The following RAP1GAP2 variants were observed in gnomAD, a reference collection of about 807,000 sequenced individuals.
RAP1GAP2 encodes the protein rap1 GTPase-activating protein 2.
RAP1GAP2 carries 27 observed loss-of-function variants against 95.0 expected under a neutral mutation model. The observed-to-expected ratio is 0.28, with a 90% CI of 0.21 to 0.39. The LOEUF (loss-of-function observed/expected upper bound fraction) is 0.39, where lower values mean the gene tolerates loss of function less well. Among genes scored for constraint, RAP1GAP2 ranks in the 10% least tolerant of loss-of-function variants. The probability of loss-of-function intolerance (pLI) is 1.00; values close to 1 mark genes in which losing one functional copy is unlikely to be tolerated. For missense variants in RAP1GAP2, 771 were observed against 970.0 expected (o/e 0.79, Z 2.72); for synonymous variants, 373 against 380.9 (o/e 0.98, Z 0.24).
At chr17:2,842,487 G>A (rs575076119) in intron 2 of RAP1GAP2, among the ~76,000 whole-genome samples, 60 of 142,870 alleles carry the variant, frequency 4.2e-4, no homozygotes, top group African/African-American at 1.6e-3. Flanking sequence ...CCGAGATCGC[G>A]CTACTGCACT....
At chr17:2,811,108 G>A (rs1301923036) in intron 2 of RAP1GAP2, among the ~76,000 whole-genome samples, 2 of 152,148 alleles carry the variant, frequency 1.3e-5, no homozygotes, top group Non-Finnish European at 2.9e-5. Flanking sequence ...GACACTGGAA[G>A]GCTGCTTTTT....
At chr17:2,935,748 C>T (rs1026042553) in intron 3 of RAP1GAP2, among the ~76,000 whole-genome samples, 1 of 152,178 alleles carries the variant, frequency 6.6e-6, no homozygotes, top group African/African-American at 2.4e-5. Context: ...ACTCCAGTGT[C>T]ACAAAGGAGG....
intron 2 of RAP1GAP2, among the ~76,000 whole-genome samples, chr17:2,823,570 C>A (rs1024724958): frequency 1.3e-5 from 2 of 152,180 alleles, no homozygotes; most frequent in Non-Finnish European, 2.9e-5. Flanking sequence ...CATGGCGTAA[C>A]GTGGGCTCTC....
chr17:2,893,948 C>T (rs900654145), intron 2 of RAP1GAP2, among the ~76,000 whole-genome samples: 13 of 152,234 alleles, frequency 8.5e-5, no homozygotes, highest in Non-Finnish European at 1.6e-4. Flanking sequence ...CTTCTCACCT[C>T]TCCTTCCCTG....
At chr17:2,961,522 A>AAAAC (rs143965896) in intron 4 of RAP1GAP2, among the ~76,000 whole-genome samples, 4 of 152,082 alleles carry the variant, frequency 2.6e-5, no homozygotes, top group South Asian at 2.1e-4. Context: ...CTCAAAAACA[A>AAAAC]AAACAAACAA....
At chr17:2,861,007 C>T (rs2072363033) in intron 2 of RAP1GAP2, among the ~76,000 whole-genome samples, 1 of 152,156 alleles carries the variant, frequency 6.6e-6, no homozygotes, top group African/African-American at 2.4e-5. Context: ...TCCTTTCCTC[C>T]TGGTGATCAC....
intron 2 of RAP1GAP2, among the ~76,000 whole-genome samples, chr17:2,876,086 C>T (rs1323352913): frequency 2.0e-5 from 3 of 151,720 alleles, no homozygotes; most frequent in Non-Finnish European, 4.4e-5. Flanking sequence ...TACAGGCACC[C>T]GCCCCCACGC....
chr17:2,990,395 C>G, intron 11 of RAP1GAP2, among the ~76,000 whole-genome samples: 1 of 152,182 alleles, frequency 6.6e-6, no homozygotes, highest in East Asian at 1.9e-4. Flanking sequence ...TATGGTGACT[C>G]TGCGTTTAGC....
In RAP1GAP2 at chr17:2,958,282, C is replaced by T. The variant is rs531755194; in HGVS notation, c.201+488C>T. 2.0e-5 allele frequency among the ~76,000 whole-genome samples: 3 copies of T among 152,280 alleles called. No individual in the cohort carries two copies. In the South Asian group the frequency reaches 6.2e-4, roughly 32 times the overall value. ...AAATAAGAATGAATGCACCCACTTA[C>T]ATGGTGGTTGGGGTGAAATGAGATA... On this transcript the variant is annotated intron_variant, in intron 4 of 24. Transcript: ENST00000254695.
At chr17:2,771,496 T>TG (rs1343227715) in intron 2 of RAP1GAP2, among the ~76,000 whole-genome samples, 6 of 149,062 alleles carry the variant, frequency 4.0e-5, no homozygotes, top group Non-Finnish European at 8.9e-5. Context: ...GTTTTTTTTT[T>TG]TTGTTTTTTT....
intron 2 of RAP1GAP2, among the ~76,000 whole-genome samples, chr17:2,853,696 T>G (rs1237393293): frequency 1.4e-5 from 2 of 139,754 alleles, no homozygotes; most frequent in African/African-American, 5.3e-5. Flanking sequence ...GGGCGGCGCG[T>G]CTGAGCGGGA....
intron 3 of RAP1GAP2, among the ~76,000 whole-genome samples, chr17:2,911,753 G>T (rs2042390082): frequency 6.6e-6 from 1 of 152,098 alleles, no homozygotes; most frequent in Admixed American, 6.5e-5. Context: ...GGGGGTCAGG[G>T]TGACCCCCTG....
At position 2,984,564 on chromosome 17, in the gene RAP1GAP2, C is replaced by T. The variant is rs549164401; in HGVS notation, c.730-419C>T. Among the ~76,000 whole-genome samples the T allele has an allele frequency of 5.1e-4, 78 of 152,268 alleles. No individual in the cohort carries two copies. The South Asian group carries it at 9.1e-3, about 18-fold the overall frequency. On this transcript the variant is annotated intron_variant, in intron 10 of 24. Coordinates refer to ENST00000254695, the MANE Select transcript of RAP1GAP2 (RefSeq NM_015085.5). The stretch of plus-strand genomic sequence containing the variant: ...GAGGGGACTGAAGTTTGGTCAGGAG[C>T]GGTGACTTGCTCGGACTCATGCTGC...
At chr17:2,856,357 A>G (rs531261601) in intron 2 of RAP1GAP2, among the ~76,000 whole-genome samples, 5 of 152,292 alleles carry the variant, frequency 3.3e-5, no homozygotes, top group African/African-American at 1.2e-4. Context: ...GGTAGATTTC[A>G]TCTCTGGGAA....
At chr17:2,929,559 A>G (rs2043075949) in intron 3 of RAP1GAP2, among the ~76,000 whole-genome samples, 1 of 151,850 alleles carries the variant, frequency 6.6e-6, no homozygotes, top group African/African-American at 2.4e-5. Context: ...CCTCGTAGGG[A>G]TCGTTTGGCA....
intron 2 of RAP1GAP2, among the ~76,000 whole-genome samples, chr17:2,860,594 CTTTTTTTTTTT>C (rs561492877): frequency 1.2e-4 from 12 of 96,058 alleles, no homozygotes; most frequent in African/African-American, 2.2e-4. Context: ...ACTTATTTAT[CTTTTTTTTTTT>C]TTTTTTTTTT....
At chr17:2,880,740 T>C (rs927283158) in intron 2 of RAP1GAP2, among the ~76,000 whole-genome samples, 1 of 152,188 alleles carries the variant, frequency 6.6e-6, no homozygotes, top group Non-Finnish European at 1.5e-5. Context: ...TTATCTGACA[T>C]GCTTGGGACC....
At chr17:2,779,097 AC>A (rs1259755966) in intron 1 of RAP1GAP2, among the ~76,000 whole-genome samples, 4 of 152,084 alleles carry the variant, frequency 2.6e-5, no homozygotes, top group African/African-American at 9.7e-5. Context: ...GTCCCATTGC[AC>A]CTGTAAGATG....
chr17:2,935,531 C>T (rs987762704), intron 3 of RAP1GAP2, among the ~76,000 whole-genome samples: 1 of 152,026 alleles, frequency 6.6e-6, no homozygotes, highest in African/African-American at 2.4e-5. Flanking sequence ...CAAAAGAGAA[C>T]GTCCCACATC....
Sources: allele counts gnomAD v4.1 joint callset (sites outside exome capture counted in the v4.1 genomes callset), GRCh38; gene constraint gnomAD v4.1.1; transcripts MANE v1.5; gene names NCBI Gene and HGNC (gene_info 2026-07-23, HGNC 2026-07-21).